The following LCORL variants were observed in gnomAD, a reference collection of about 807,000 sequenced individuals.
LCORL encodes the protein ligand-dependent nuclear receptor corepressor-like protein.
A neutral mutation model predicts 141.8 loss-of-function variants in LCORL; 41 were observed. That is an observed-to-expected ratio of 0.29 (90% CI 0.23 to 0.38). The LOEUF is 0.38. Among genes scored for constraint, LCORL ranks in the 10% least tolerant of loss-of-function variants. LCORL has a pLI of 1.00. For synonymous variants in LCORL, 618 were observed against 694.1 expected (o/e 0.89, Z 1.72); for missense variants, 1,759 against 2,035.0 (o/e 0.86, Z 2.61).
intron 1 of LCORL, among the ~76,000 whole-genome samples, chr4:18,011,545 C>T (rs929452643): frequency 3.3e-5 from 5 of 151,936 alleles, no homozygotes; most frequent in African/African-American, 1.2e-4. Context: ...CACTGTAATG[C>T]TAAATATTTT....
At chr4:17,851,466 C>T in intron 7 of LCORL, among the ~76,000 whole-genome samples, 1 of 152,088 alleles carries the variant, frequency 6.6e-6, no homozygotes, top group East Asian at 1.9e-4. Context: ...ATTCTATATA[C>T]TGTTCTGTAT....
At chr4:17,955,732 T>C (rs61400315) in intron 4 of LCORL, among the ~76,000 whole-genome samples, 11,323 of 152,046 alleles carry the variant, frequency 0.074, 1,425 homozygotes, top group African/African-American at 0.26. Context: ...AGTAAGTGTG[T>C]AGTAAAAGAG....
intron 6 of LCORL, 67 bp from the exon 7 acceptor site, chr4:17,878,280 A>G (rs1727122490): frequency 2.8e-6 from 3 of 1,090,654 alleles, no homozygotes; most frequent in Admixed American, 8.6e-5. Context: ...TTATAATTTT[A>G]ACAGTGTTTG....
intron 7 of LCORL, among the ~76,000 whole-genome samples, chr4:17,868,905 A>G (rs758249136): frequency 2.6e-4 from 40 of 152,072 alleles, no homozygotes; most frequent in Non-Finnish European, 4.7e-4. Context: ...AGCTATTTCA[A>G]ACCTTGTCCA....
chr4:17,867,506 A>G (rs1432689237), intron 7 of LCORL, among the ~76,000 whole-genome samples: 2 of 152,190 alleles, frequency 1.3e-5, no homozygotes, highest in African/African-American at 4.8e-5. Flanking sequence ...CAGACTTCCC[A>G]ATTTAGAGAA....
chr4:17,864,018 GAGAGGA>G (rs1443145189), intron 7 of LCORL, among the ~76,000 whole-genome samples: 1 of 152,094 alleles, frequency 6.6e-6, no homozygotes, highest in Admixed American at 6.6e-5. Flanking sequence ...TGGGAGGAGG[GAGAGGA>G]CTGAAAAACT....
In LCORL at chr4:18,021,363, C is replaced by T. The variant is rs1226627177; in HGVS notation, c.154+235G>A. Among the ~76,000 whole-genome samples, 1 of 152,252 alleles carries T rather than the reference C, an allele frequency of 6.6e-6. No homozygotes were observed. Among genetic ancestry groups the T allele is most frequent in the East Asian group, 1.9e-4 (1 of 5,154 alleles). On this transcript the variant is annotated intron_variant, in intron 1 of 7. Coordinates refer to ENST00000635767, the Ensembl canonical transcript of LCORL. The surrounding 1 kb of genome is among the most constrained non-coding windows in gnomAD (Gnocchi z 5.5). ...GGCTCAGCAAGCGGGTCCAAACTAA[C>T]AGTTCCCGGGGAGCCCAAGAGCTGG...
intron 4 of LCORL, among the ~76,000 whole-genome samples, chr4:17,945,953 A>C (rs562524771): frequency 6.6e-6 from 1 of 152,150 alleles, no homozygotes; most frequent in East Asian, 1.9e-4. Flanking sequence ...AATGAGACAA[A>C]ATTTAAAAAG....
intron 5 of LCORL, among the ~76,000 whole-genome samples, chr4:17,887,251 C>G (rs529453395): frequency 6.6e-6 from 1 of 151,920 alleles, no homozygotes; most frequent in Admixed American, 6.6e-5. Flanking sequence ...ATACAAAGTA[C>G]CTATTGTCAT....
At chr4:17,962,053 C>T (rs1713911657) in intron 3 of LCORL, 21 bp from the exon 4 acceptor site, 1 of 1,523,148 alleles carries the variant, frequency 6.6e-7, no homozygotes, top group African/African-American at 1.4e-5. Context: ...AAGAAAACAA[C>T]AACATACAGA....
In LCORL at chr4:17,995,507, C is replaced by A. The variant is rs371093759; in HGVS notation, c.155-22622G>T. Among the ~76,000 whole-genome samples the A allele has an allele frequency of 1.1e-4, 17 of 152,202 alleles. No homozygotes were observed. The East Asian group carries it at 3.3e-3, about 29-fold the overall frequency. On this transcript the variant is annotated intron_variant, in intron 1 of 7. Transcript: ENST00000635767. ...CATTAAAGAAACCGGATCAATGTAT[C>A]TAAATAGATACTAAAAGAGAAAAAT...
chr4:17,882,744 CA>C, intron 6 of LCORL: 1 of 983,998 alleles, frequency 1.0e-6, no homozygotes, highest in Middle Eastern at 5.2e-4. Context: ...TGAGGTTTTT[CA>C]ATAGTAGGAG....
chr4:17,864,654 A>AATG (rs1490069544), intron 7 of LCORL, among the ~76,000 whole-genome samples: 1 of 152,262 alleles, frequency 6.6e-6, no homozygotes. Flanking sequence ...CAACCATGTT[A>AATG]ATGGTGACAT....
intron 5 of LCORL, among the ~76,000 whole-genome samples, chr4:17,908,009 T>C (rs1731923586): frequency 6.6e-6 from 1 of 152,190 alleles, no homozygotes; most frequent in Non-Finnish European, 1.5e-5. Flanking sequence ...GAAAAGACTG[T>C]ATCTTCAAAC....
At chr4:17,931,509 A>T (rs1035706392) in intron 4 of LCORL, among the ~76,000 whole-genome samples, 5 of 151,852 alleles carry the variant, frequency 3.3e-5, no homozygotes, top group African/African-American at 1.2e-4. Flanking sequence ...TCTTATATGT[A>T]GTTTTTTTGT....
chr4:17,870,307 TTGCCCAGGC>T (rs1303991490), intron 7 of LCORL, among the ~76,000 whole-genome samples: 1 of 152,182 alleles, frequency 6.6e-6, no homozygotes, highest in African/African-American at 2.4e-5. Flanking sequence ...TCCCGCTATG[TTGCCCAGGC>T]TGCTTGCTCT....
chr4:17,870,299 C>T (rs566772353), intron 7 of LCORL, among the ~76,000 whole-genome samples: 11 of 152,190 alleles, frequency 7.2e-5, no homozygotes, highest in African/African-American at 2.6e-4. Flanking sequence ...AGATGGGGTC[C>T]CGCTATGTTG....
At chr4:17,877,774 T>A in exon 7 of LCORL, 4 of 1,230,716 alleles carry the variant, frequency 3.3e-6, no homozygotes, top group Non-Finnish European at 4.1e-6. Flanking sequence ...GTAGAGTGAA[T>A]GTTTGGTAAC....
chr4:17,863,183 G>T (rs1167229193), intron 7 of LCORL, among the ~76,000 whole-genome samples: 1 of 152,178 alleles, frequency 6.6e-6, no homozygotes, highest in African/African-American at 2.4e-5. Context: ...AAGCATGGTT[G>T]TGGGTGCCTG....
Sources: allele counts gnomAD v4.1 joint callset (sites outside exome capture counted in the v4.1 genomes callset), GRCh38; gene constraint gnomAD v4.1.1; non-coding constraint Gnocchi (gnomAD v3.1); transcripts MANE v1.5; gene names NCBI Gene and HGNC (gene_info 2026-07-23, HGNC 2026-07-21).